LYPLA1: variants seen among roughly 807,000 people sequenced by gnomAD.
The protein encoded by LYPLA1 is lysophospholipase 1, also known as acyl-protein thioesterase 1.
Under a neutral mutation model 34.0 loss-of-function variants are expected in LYPLA1, and 17 were observed. The observed-to-expected ratio is 0.50, with a 90% CI of 0.34 to 0.75. The LOEUF is 0.75. Among genes scored for constraint, LYPLA1 ranks in the 30% least tolerant of loss-of-function variants. The probability of loss-of-function intolerance (pLI) is 0.01; values close to 1 mark genes in which losing one functional copy is unlikely to be tolerated. For synonymous variants in LYPLA1, 98 were observed against 100.8 expected, an observed-to-expected ratio of 0.97 and a Z score of 0.17; for missense variants, 203 against 288.8, an observed-to-expected ratio of 0.70 and a Z score of 2.15.
At chr8:54,091,418 C>A (rs2129364051) in intron 2 of LYPLA1, among the ~76,000 whole-genome samples, 1 of 151,544 alleles carries the variant, frequency 6.6e-6, no homozygotes, top group East Asian at 2.0e-4. Context: ...ACCCAGGAGG[C>A]AGAGGTTGCA....
intron 2 of LYPLA1, among the ~76,000 whole-genome samples, chr8:54,090,074 C>T (rs567570536): frequency 6.6e-6 from 1 of 152,314 alleles, no homozygotes; most frequent in South Asian, 2.1e-4. Context: ...TTCACATCAC[C>T]AAGATTCCTA....
intron 8 of LYPLA1, among the ~76,000 whole-genome samples, chr8:54,048,946 C>A (rs1805656237): frequency 6.6e-6 from 1 of 152,204 alleles, no homozygotes; most frequent in Admixed American, 6.5e-5. Flanking sequence ...ATCTATAGAG[C>A]TTTTATGAAG....
intron 2 of LYPLA1, among the ~76,000 whole-genome samples, chr8:54,068,925 A>G (rs117850725): frequency 2.2e-3 from 335 of 152,340 alleles, no homozygotes; most frequent in Non-Finnish European, 3.7e-3. Context: ...ACATCTAATT[A>G]AAGTGTCTAG....
intron 2 of LYPLA1, among the ~76,000 whole-genome samples, chr8:54,084,494 C>A (rs895328275): frequency 1.3e-5 from 2 of 151,818 alleles, no homozygotes; most frequent in African/African-American, 2.4e-5. Flanking sequence ...TTGCTTGAAC[C>A]TGGGAGGCGG....
At chr8:54,059,721 C>T (rs1806462902) in intron 5 of LYPLA1, among the ~76,000 whole-genome samples, 1 of 152,172 alleles carries the variant, frequency 6.6e-6, no homozygotes, top group South Asian at 2.1e-4. Context: ...AAGAGTTTCC[C>T]ACCAGCCTGG....
chr8:54,084,133 A>AAAAAAAAAT (rs1373090573), intron 2 of LYPLA1, among the ~76,000 whole-genome samples: 1 of 120,484 alleles, frequency 8.3e-6, no homozygotes, highest in African/African-American at 4.6e-5. Flanking sequence ...AGAAAAAAAA[A>AAAAAAAAAT]ATAAATAAAT....
chr8:54,091,509 G>A (rs896137164), intron 2 of LYPLA1, among the ~76,000 whole-genome samples: 8 of 134,070 alleles, frequency 6.0e-5, no homozygotes, highest in Non-Finnish European at 9.7e-5. Flanking sequence ...AAAAGAAAAG[G>A]AAAGGAAAGA....
intron 5 of LYPLA1, among the ~76,000 whole-genome samples, chr8:54,061,425 T>G (rs942247134): frequency 2.6e-4 from 39 of 152,298 alleles, no homozygotes; most frequent in African/African-American, 9.4e-4. Flanking sequence ...CATTTTCCTA[T>G]GTAAATCAAA....
At chr8:54,091,581 A>AAAGGAAAG (rs1554550020) in intron 2 of LYPLA1, among the ~76,000 whole-genome samples, 1 of 142,270 alleles carries the variant, frequency 7.0e-6, no homozygotes. Context: ...GAAAGAAAGA[A>AAAGGAAAG]AAGGAAGGAA....
intron 2 of LYPLA1, among the ~76,000 whole-genome samples, chr8:54,088,552 C>T (rs1219659223): frequency 6.6e-6 from 1 of 152,182 alleles, no homozygotes; most frequent in African/African-American, 2.4e-5. Flanking sequence ...GAAAACTGTC[C>T]TGGAGTTCTT....
In LYPLA1 at chr8:54,060,266, C is replaced by T. The variant is rs939899181; in HGVS notation, c.286+1988G>A. 4.6e-5 allele frequency among the ~76,000 whole-genome samples: 7 copies of T among 152,132 alleles called. No individual in the cohort carries two copies. The East Asian group carries it at 9.7e-4, about 21-fold the overall frequency. ...TCAGCCTCCCAAGTAGCTGGGATTA[C>T]GGGCAGGCGCTACCATGCCCGGCTA... On this transcript the variant is annotated intron_variant, in intron 5 of 8. Transcript: ENST00000316963.
intron 6 of LYPLA1, 36 bp from the exon 7 acceptor site, chr8:54,052,792 C>T: frequency 7.7e-7 from 1 of 1,292,266 alleles, no homozygotes; most frequent in Non-Finnish European, 1.1e-6. Flanking sequence ...ATGGAACACA[C>T]ATGCTTGCCC....
intron 2 of LYPLA1, among the ~76,000 whole-genome samples, chr8:54,092,220 A>T (rs919348441): frequency 6.7e-6 from 1 of 149,586 alleles, no homozygotes; most frequent in African/African-American, 2.5e-5. Context: ...GAAGAGAAGG[A>T]GGAGGAGGAG....
At chr8:54,067,196 A>T (rs1169607174) in intron 2 of LYPLA1, among the ~76,000 whole-genome samples, 4 of 152,256 alleles carry the variant, frequency 2.6e-5, no homozygotes. Context: ...GAGTAAATAA[A>T]ATAAAAACAG....
At chr8:54,081,467 C>G (rs1356625287) in intron 2 of LYPLA1, among the ~76,000 whole-genome samples, 1 of 151,804 alleles carries the variant, frequency 6.6e-6, no homozygotes, top group Non-Finnish European at 1.5e-5. Flanking sequence ...TTATTTTATT[C>G]TGAAACACAG....
chr8:54,044,344 T>C (rs981013197), downstream of LYPLA1, among the ~76,000 whole-genome samples: 1 of 152,180 alleles, frequency 6.6e-6, no homozygotes, highest in Non-Finnish European at 1.5e-5. Context: ...TCAGTCTTCA[T>C]AAAGTATTTG....
intron 2 of LYPLA1, among the ~76,000 whole-genome samples, chr8:54,067,351 A>T (rs186553436): frequency 1.6e-4 from 24 of 152,232 alleles, no homozygotes; most frequent in South Asian, 4.1e-4. Flanking sequence ...AGAAAAAAAA[A>T]TTTTTTAATC....
At chr8:54,063,078 T>A (rs1480393909) in intron 4 of LYPLA1, among the ~76,000 whole-genome samples, 1 of 152,074 alleles carries the variant, frequency 6.6e-6, no homozygotes, top group Non-Finnish European at 1.5e-5. Context: ...CCAACAAAGG[T>A]TTATCAAGCA....
intron 2 of LYPLA1, among the ~76,000 whole-genome samples, chr8:54,098,320 T>C (rs1430254927): frequency 6.6e-6 from 1 of 151,998 alleles, no homozygotes; most frequent in East Asian, 1.9e-4. Context: ...ATGGATACGC[T>C]AGGTAAAGGA....
Sources: gnomAD v4.1 joint callset for allele counts (sites outside exome capture counted in the v4.1 genomes callset) on GRCh38, gnomAD v4.1.1 for gene constraint, MANE v1.5 for transcripts, NCBI Gene and HGNC (gene_info 2026-07-23, HGNC 2026-07-21) for gene names.